NRP1: variants seen among roughly 807,000 people sequenced by gnomAD.
NRP1 encodes the protein neuropilin 1.
In NRP1, 35 loss-of-function variants were observed where a neutral mutation model predicts 106.7. The ratio of observed to expected loss-of-function variants is 0.33; its 90% CI spans 0.25 to 0.43. The LOEUF (loss-of-function observed/expected upper bound fraction) is 0.43. Among genes scored for constraint, NRP1 ranks in the 20% least tolerant of loss-of-function variants. NRP1 has a pLI of 1.00. For synonymous variants in NRP1, 437 were observed against 417.9 expected (o/e 1.05, Z -0.56); for missense variants, 1,024 against 1,170.4 (o/e 0.87, Z 1.83).
chr10:33,317,515 TC>T (rs1298062657), intron 2 of NRP1, among the ~76,000 whole-genome samples: 3 of 152,242 alleles, frequency 2.0e-5, no homozygotes, highest in African/African-American at 7.2e-5. Context: ...AAAATCCATA[TC>T]ATTTTCTCTT....
chr10:33,212,379 C>T (rs1007364445), intron 9 of NRP1: 1 of 152,194 alleles, frequency 6.6e-6, no homozygotes, highest in Non-Finnish European at 1.5e-5. Flanking sequence ...AATGCTATAA[C>T]ACTGATGGCC....
At chr10:33,330,957 TG>T in intron 1 of NRP1, 75 bp from the exon 2 acceptor site, 1 of 1,310,798 alleles carries the variant, frequency 7.6e-7, no homozygotes, top group Non-Finnish European at 1.1e-6. Context: ...TGTAAATTAC[TG>T]GTTATTAAAC....
intron 7 of NRP1, among the ~76,000 whole-genome samples, chr10:33,225,551 C>T (rs182523562): frequency 2.0e-5 from 3 of 152,312 alleles, no homozygotes; most frequent in African/African-American, 4.8e-5. Context: ...TAGGGCAGAG[C>T]GCCGAGGGAC....
At chr10:33,236,252 A>T (rs1170572187) in intron 6 of NRP1, among the ~76,000 whole-genome samples, 2 of 152,266 alleles carry the variant, frequency 1.3e-5, no homozygotes, top group East Asian at 1.9e-4. Flanking sequence ...AGAAAAAATA[A>T]GTATGCTACA....
chr10:33,242,026 A>G (rs1310565717), intron 6 of NRP1, among the ~76,000 whole-genome samples: 1 of 152,210 alleles, frequency 6.6e-6, no homozygotes, highest in Non-Finnish European at 1.5e-5. Context: ...TTCTGGAAGA[A>G]CAGCAACATT....
chr10:33,328,026 A>T (rs964608920), intron 2 of NRP1, among the ~76,000 whole-genome samples: 8 of 152,158 alleles, frequency 5.3e-5, no homozygotes, highest in Admixed American at 4.6e-4. Flanking sequence ...GCAAAGCCTC[A>T]GTTGGGACAA....
At chr10:33,197,191 G>C (rs957820249) in intron 12 of NRP1, among the ~76,000 whole-genome samples, 2 of 152,162 alleles carry the variant, frequency 1.3e-5, no homozygotes, top group African/African-American at 4.8e-5. Flanking sequence ...CTGGTTTCCT[G>C]AACCCCGTTT....
intron 3 of NRP1, among the ~76,000 whole-genome samples, chr10:33,264,451 G>A (rs1308291244): frequency 3.3e-5 from 5 of 152,126 alleles, no homozygotes; most frequent in Non-Finnish European, 7.4e-5. Flanking sequence ...CAGGTGGGCC[G>A]GTAAAGTGTG....
intron 6 of NRP1, among the ~76,000 whole-genome samples, chr10:33,244,538 A>G (rs72790228): frequency 6.4e-4 from 97 of 152,300 alleles, no homozygotes; most frequent in Non-Finnish European, 9.3e-4. Context: ...CTTTCACCCA[A>G]AACAGATGTG....
intron 2 of NRP1, among the ~76,000 whole-genome samples, chr10:33,286,835 A>G: frequency 6.6e-6 from 1 of 152,116 alleles, no homozygotes. Flanking sequence ...TTTCATGCCA[A>G]ATCTTATAGT....
chr10:33,333,371 T>G (rs990766859), intron 1 of NRP1, among the ~76,000 whole-genome samples: 3 of 152,186 alleles, frequency 2.0e-5, no homozygotes, highest in African/African-American at 7.2e-5. Context: ...AAGATGTGAT[T>G]TAAATTCCTG....
intron 2 of NRP1, among the ~76,000 whole-genome samples, chr10:33,286,610 T>G (rs1245358291): frequency 6.6e-6 from 1 of 152,200 alleles, no homozygotes; most frequent in African/African-American, 2.4e-5. Flanking sequence ...AATGCCTGGA[T>G]GACCATTTAA....
rs1264654375 is a variant in NRP1, at chr10:33,199,386, TATA to T, written c.1865-1680_1865-1678del. 8.0e-5 allele frequency among the ~76,000 whole-genome samples: 6 copies of T among 74,902 alleles called. No individual in the cohort carries two copies. The East Asian group carries it at 2.4e-3, about 29-fold the overall frequency. 49.1% of individuals were successfully genotyped at this position (74,902 alleles called of 152,430 possible). ...TGTTTTCTATATATATATATATATA[TATA>T]TTTTTTTTTTTTTTTTTTTTTTTTT... On this transcript the variant is annotated intron_variant, in intron 11 of 16. Coordinates refer to ENST00000374867, the MANE Select transcript of NRP1 (RefSeq NM_003873.7).
rs752710084 is a variant in NRP1 at position 33,196,503 on chromosome 10, C to T, written c.1924+1147G>A. 3.9e-5 allele frequency among the ~76,000 whole-genome samples: 6 copies of T among 152,110 alleles called. No homozygotes were observed. In the South Asian group the frequency reaches 6.2e-4, roughly 16 times the overall value. On this transcript the variant is annotated intron_variant, in intron 12 of 16. Transcript: ENST00000374867. Reference sequence around the variant, plus strand: ...TACCTTCAGCTATGGGAGGTGCCTGCGCAGTCTTTGAAAGCCACATTTTAC... The same window carrying T: ...TACCTTCAGCTATGGGAGGTGCCTGTGCAGTCTTTGAAAGCCACATTTTAC...
rs185455861 is a variant in NRP1, at chr10:33,225,456, C to T, written c.1137+678G>A. ...TGGGAGATGGTGAGTATGAATTCTC[C>T]GAAATCTTTTGATTAGAAAATCAGA... On this transcript the variant is annotated intron_variant, in intron 7 of 16. Coordinates refer to ENST00000374867, the MANE Select transcript of NRP1 (RefSeq NM_003873.7). 2.8e-3 allele frequency among the ~76,000 whole-genome samples: 419 copies of T among 152,252 alleles called. 1 individual carries two copies. The highest frequency in any genetic ancestry group is 6.8e-3 in the Middle Eastern group (2 of 294).
intron 2 of NRP1, among the ~76,000 whole-genome samples, chr10:33,313,408 T>G (rs989174759): frequency 6.6e-6 from 1 of 152,132 alleles, no homozygotes; most frequent in Admixed American, 6.5e-5. Context: ...CAGCCTCAGC[T>G]GTCAGAAAAG....
chr10:33,286,954 C>T (rs899984347), intron 2 of NRP1, among the ~76,000 whole-genome samples: 1 of 152,110 alleles, frequency 6.6e-6, no homozygotes, highest in Non-Finnish European at 1.5e-5. Flanking sequence ...AATAATCCCC[C>T]TTCCCAGACA....
intron 2 of NRP1, among the ~76,000 whole-genome samples, chr10:33,284,940 C>CT: frequency 6.6e-6 from 1 of 151,672 alleles, no homozygotes; most frequent in Non-Finnish European, 1.5e-5. Context: ...AGATCAGAAG[C>CT]AATAAAAAAA....
intron 2 of NRP1, among the ~76,000 whole-genome samples, chr10:33,321,026 G>A (rs550771603): frequency 6.6e-6 from 1 of 152,292 alleles, no homozygotes; most frequent in South Asian, 2.1e-4. Context: ...TCGCTGTGAT[G>A]TCCCGGCTAG....
Sources: allele counts gnomAD v4.1 joint callset (sites outside exome capture counted in the v4.1 genomes callset), GRCh38; gene constraint gnomAD v4.1.1; transcripts MANE v1.5; gene names NCBI Gene and HGNC (gene_info 2026-07-23, HGNC 2026-07-21).